The following TNS3 variants were observed in gnomAD, a reference collection of about 807,000 sequenced individuals.
TNS3 encodes tensin-3.
TNS3 carries 45 observed loss-of-function variants against 140.9 expected under a neutral mutation model. The ratio of observed to expected loss-of-function variants is 0.32; its 90% CI spans 0.25 to 0.41. TNS3 has a LOEUF of 0.41. Ranked by LOEUF, TNS3 falls within the 10% of genes least tolerant of loss-of-function variation. TNS3 has a pLI of 1.00. For synonymous variants in TNS3, 815 were observed against 788.4 expected, an observed-to-expected ratio of 1.03 and a Z score of -0.56; for missense variants, 1,716 against 1,906.7, an observed-to-expected ratio of 0.90 and a Z score of 1.86.
chr7:47,516,767 A>G (rs1048268812), intron 2 of TNS3, among the ~76,000 whole-genome samples: 2 of 152,212 alleles, frequency 1.3e-5, no homozygotes, highest in African/African-American at 4.8e-5. Flanking sequence ...ACAAATAAAA[A>G]TCTAGCTCTT....
intron 1 of TNS3, chr7:47,539,446 G>A (rs1001075999): frequency 6.6e-5 from 19 of 286,018 alleles, no homozygotes; most frequent in Non-Finnish European, 9.6e-5. Flanking sequence ...AGGCGAATCC[G>A]CATTCATCAG....
At chr7:47,577,111 G>T (rs1467200349) in intron 1 of TNS3, among the ~76,000 whole-genome samples, 1 of 152,130 alleles carries the variant, frequency 6.6e-6, no homozygotes, top group South Asian at 2.1e-4. Context: ...CCACCTGGAG[G>T]TGTCCCCGGT....
At chr7:47,405,144 T>A (rs142232004) in intron 13 of TNS3, among the ~76,000 whole-genome samples, 11 of 152,316 alleles carry the variant, frequency 7.2e-5, no homozygotes, top group African/African-American at 2.6e-4. Context: ...AAGCACCATG[T>A]ACCAAGAGAG....
intron 20 of TNS3, among the ~76,000 whole-genome samples, chr7:47,320,623 G>C (rs1787681059): frequency 6.6e-6 from 1 of 152,170 alleles, no homozygotes; most frequent in South Asian, 2.1e-4. Flanking sequence ...TCTGTGTCCT[G>C]ATCGCCCCCT....
rs1554310453 is a variant in TNS3 at position 47,389,109 on chromosome 7, C to CGGAAGAAGAAGAAGA, written c.1024+7690_1024+7691insTCTTCTTCTTCTTCC. 4.1e-4 allele frequency among the ~76,000 whole-genome samples: 24 copies of CGGAAGAAGAAGAAGA among 59,142 alleles called. 6 individuals are homozygous for CGGAAGAAGAAGAAGA. Among genetic ancestry groups the CGGAAGAAGAAGAAGA allele is most frequent in the African/African-American group, 1.6e-3 (23 of 14,776 alleles). The allele number at this position is 59,142 out of a possible 152,430, so 38.8% of individuals were successfully genotyped here. On this transcript the variant is annotated intron_variant, in intron 16 of 30. Coordinates refer to ENST00000311160, the MANE Select transcript of TNS3 (RefSeq NM_022748.12). The stretch of plus-strand genomic sequence containing the variant: ...GAGGAAGAGGAAGAGGAAGCGGAAG[C>CGGAAGAAGAAGAAGA]AGAAGAAGAAGAAGAAGAAGAAGAA...
At chr7:47,438,921 G>A (rs578013106) in intron 6 of TNS3, among the ~76,000 whole-genome samples, 22 of 152,254 alleles carry the variant, frequency 1.4e-4, no homozygotes, top group African/African-American at 4.8e-4. Flanking sequence ...GCCTCCACCT[G>A]GGCTACCAAC....
At position 47,293,813 on chromosome 7, in the gene TNS3, T is replaced by A; in HGVS notation, c.3692A>T (p.Asn1231Ile). ...QLNKKAGDLANELVRHFLIEC... is the reference protein window; with the variant it reads ...QLNKKAGDLAIELVRHFLIEC... ...GATCAAAAAGTGCCGGACGAGTTCA[T>A]TGGCCAAATCTCCAGCTGTGGCAAG... is the stretch of plus-strand genomic sequence containing the variant. The change falls in exon 25 of 31, where the codon AAT (asparagine) becomes ATT (isoleucine). Residue 1231 changes from asparagine (N) to isoleucine (I), a missense_variant. Asn to Ile is a moderately radical substitution (Grantham distance 149). Around this residue, in one of 3 missense-constraint regions of TNS3, gnomAD observed 216 missense variants for 295.7 expected, o/e 0.73. Coordinates refer to ENST00000311160, the MANE Select transcript of TNS3 (RefSeq NM_022748.12). The A allele has an allele frequency of 6.2e-7, 1 of 1,614,208 alleles. No individual in the cohort carries two copies. Among genetic ancestry groups the A allele is most frequent in the Non-Finnish European group, 8.5e-7 (1 of 1,180,038 alleles).
rs959077566 is a variant in TNS3, at chr7:47,474,466, CACA to C, written c.-76+6634_-76+6636del. Among the ~76,000 whole-genome samples, 8 of 151,472 alleles carry C rather than the reference CACA, an allele frequency of 5.3e-5. No homozygotes were observed. In the South Asian group the frequency reaches 8.4e-4, roughly 16 times the overall value. ...CATACAACACACACTGCAACACACA[CACA>C]ACACCTCACACAATACACACAACAC... On this transcript the variant is annotated intron_variant, in intron 4 of 30. Transcript: ENST00000311160.
chr7:47,501,174 GAGGAAGGAAGGA>G (rs56315200), intron 3 of TNS3, among the ~76,000 whole-genome samples: 1 of 80,062 alleles, frequency 1.2e-5, no homozygotes, highest in South Asian at 6.5e-4. Flanking sequence ...GGGAGGAAGA[GAGGAAGGAAGGA>G]AGGGAGGGAG....
chr7:47,493,275 T>C (rs1008771619), intron 3 of TNS3, among the ~76,000 whole-genome samples: 15 of 152,320 alleles, frequency 9.8e-5, no homozygotes, highest in Non-Finnish European at 1.8e-4. Flanking sequence ...ATTCATTCAT[T>C]GCAGAATGGC....
At chr7:47,442,782 C>T (rs1795531190) in intron 4 of TNS3, among the ~76,000 whole-genome samples, 1 of 152,086 alleles carries the variant, frequency 6.6e-6, no homozygotes, top group Admixed American at 6.5e-5. Flanking sequence ...CACAGGAGCC[C>T]AGAGACCCCC....
intron 3 of TNS3, among the ~76,000 whole-genome samples, chr7:47,495,798 G>A (rs1797984966): frequency 6.6e-6 from 1 of 152,226 alleles, no homozygotes; most frequent in Admixed American, 6.5e-5. Context: ...AAGATGCACT[G>A]CATATGGTGT....
At chr7:47,284,183 C>A (rs1785292475) in intron 27 of TNS3, among the ~76,000 whole-genome samples, 1 of 152,222 alleles carries the variant, frequency 6.6e-6, no homozygotes. Flanking sequence ...CAGTATTAAA[C>A]CCTCGTGTCC....
chr7:47,303,274 G>C lies in TNS3; in HGVS notation c.3133C>G (p.His1045Asp), dbSNP rs1785801669. The C allele has an allele frequency of 9.3e-6, 15 of 1,613,708 alleles. No homozygotes were observed. Among genetic ancestry groups the C allele is most frequent in the Non-Finnish European group, 1.3e-5 (15 of 1,179,958 alleles). ...EDLGALLANS[H>D]GASPTPSIPL... ...ATGCTGGGGGTCGGTGACGCTCCAT[G>C]AGAATTGGCCAGCAAGGCCCCCAGG... Residue 1045 changes from histidine (H) to aspartate (D), a missense_variant, in exon 22 of 31, where the codon CAT (histidine) becomes GAT (aspartate). By Grantham distance (81) the His-to-Asp change is moderately conservative. Transcript: ENST00000311160.
At chr7:47,292,132 G>T in intron 26 of TNS3, 100 bp from the exon 27 acceptor site, 2 of 1,184,764 alleles carry the variant, frequency 1.7e-6, no homozygotes, top group South Asian at 2.7e-5. Context: ...CCCAGATGGT[G>T]ACATGCAATG....
intron 1 of TNS3, among the ~76,000 whole-genome samples, chr7:47,569,591 C>T (rs544508514): frequency 6.6e-6 from 1 of 152,002 alleles, no homozygotes; most frequent in South Asian, 2.1e-4. Flanking sequence ...TGGTGGCTCA[C>T]GTCTGTAATC....
chr7:47,442,121 C>G, intron 4 of TNS3, 66 bp from the exon 5 acceptor site: 1 of 1,051,228 alleles, frequency 9.5e-7, no homozygotes, highest in Non-Finnish European at 1.2e-6. Context: ...GACACAGACA[C>G]CACTGAGAGG....
At chr7:47,516,485 C>T (rs1393218422) in intron 2 of TNS3, among the ~76,000 whole-genome samples, 2 of 152,100 alleles carry the variant, frequency 1.3e-5, no homozygotes, top group African/African-American at 4.8e-5. Flanking sequence ...CCCATCCTGC[C>T]TCTGCCTTGT....
At position 47,303,328 on chromosome 7, in the gene TNS3, C is replaced by G. The variant is rs1268230119; in HGVS notation, c.3079G>C (p.Val1027Leu). ...QAFLGFGTAP[V>L]GSGLPPEEDL... ...TCCTCGGGCGGAAGGCCACTTCCCA[C>G]TGGGGCGGTGCCGAAGCCCAGGAAG... Residue 1027 changes from valine to leucine, a missense_variant, in exon 22 of 31, where the codon GTG (valine) becomes CTG (leucine). Physicochemically the swap from Val to Leu is conservative, Grantham distance 32. Around this residue, in one of 3 missense-constraint regions of TNS3, gnomAD observed 1,163 missense variants for 1,182.1 expected, o/e 0.98. Transcript: ENST00000311160. 6.2e-7 allele frequency: 1 copy of G among 1,613,398 alleles called. No individual in the cohort carries two copies. The highest frequency in any genetic ancestry group is 1.3e-5 in the African/African-American group (1 of 74,944).
Sources: gnomAD v4.1 joint callset for allele counts (sites outside exome capture counted in the v4.1 genomes callset) on GRCh38, gnomAD v4.1.1 for gene constraint, gnomAD v4.1.1 regional missense constraint, MANE v1.5 for transcripts, NCBI Gene and HGNC (gene_info 2026-07-23, HGNC 2026-07-21) for gene names.